LUZP2: variants seen among roughly 807,000 people sequenced by gnomAD.
The protein encoded by LUZP2 is leucine zipper protein 2.
A neutral mutation model predicts 51.6 loss-of-function variants in LUZP2; 52 were observed. The ratio of observed to expected loss-of-function variants is 1.01; its 90% CI spans 0.81 to 1.27. The LOEUF (loss-of-function observed/expected upper bound fraction) is 1.27, where lower values mean the gene tolerates loss of function less well. Among genes scored for constraint, LUZP2 ranks in the 50% most tolerant of loss-of-function variants. The probability of loss-of-function intolerance (pLI) is 0.00; values close to 1 mark genes in which losing one functional copy is unlikely to be tolerated. For synonymous variants in LUZP2, 154 were observed against 137.3 expected (o/e 1.12, Z -0.85); for missense variants, 436 against 395.4 (o/e 1.10, Z -0.87).
intron 10 of LUZP2, among the ~76,000 whole-genome samples, chr11:25,063,105 C>T (rs7110577): frequency 0.9 from 136,016 of 151,424 alleles, 62,166 homozygotes; most frequent in Non-Finnish European, 0.97. Context: ...TAACCAACCA[C>T]GGATCAAAAA....
rs779696265 is a variant in LUZP2, at chr11:24,993,604, T to A, written c.765+10311T>A. Among the ~76,000 whole-genome samples, 5 of 152,186 alleles carry A rather than the reference T, an allele frequency of 3.3e-5. No homozygotes were observed. In the East Asian group the frequency reaches 7.7e-4, roughly 23 times the overall value. On this transcript the variant is annotated intron_variant, in intron 9 of 11. Transcript: ENST00000336930. ...GAATTCACCCTTTACCATTATGCGA[T>A]GCCTTTTTTGTGCCTTTTAATGTTT...
chr11:24,906,787 T>C (rs1177069586), intron 6 of LUZP2, among the ~76,000 whole-genome samples: 3 of 152,088 alleles, frequency 2.0e-5, no homozygotes, highest in Non-Finnish European at 2.9e-5. Flanking sequence ...GTGCGAGAAA[T>C]ATATTCAAGA....
intron 7 of LUZP2, among the ~76,000 whole-genome samples, chr11:24,962,320 A>C (rs571376459): frequency 1.3e-5 from 2 of 152,328 alleles, no homozygotes; most frequent in South Asian, 4.1e-4. Flanking sequence ...CTGCCTTGCT[A>C]GATTGGGGAA....
chr11:24,652,734 C>T (rs1565054517), intron 1 of LUZP2, among the ~76,000 whole-genome samples: 1 of 151,860 alleles, frequency 6.6e-6, no homozygotes, highest in Non-Finnish European at 1.5e-5. Flanking sequence ...GTCAACAATA[C>T]CTTCACATTT....
chr11:25,078,114 A>G (rs77164707), intron 11 of LUZP2, among the ~76,000 whole-genome samples: 3,469 of 152,286 alleles, frequency 0.023, 92 homozygotes, highest in East Asian at 0.094. Context: ...AGAAGTACAT[A>G]TTACTTACAA....
intron 1 of LUZP2, among the ~76,000 whole-genome samples, chr11:24,555,386 T>C (rs1425119962): frequency 6.6e-6 from 1 of 152,164 alleles, no homozygotes; most frequent in Non-Finnish European, 1.5e-5. Context: ...TGTGCTTTTA[T>C]AACAAACTTA....
intron 1 of LUZP2, among the ~76,000 whole-genome samples, chr11:24,555,910 C>T (rs908088673): frequency 1.3e-5 from 2 of 152,084 alleles, no homozygotes; most frequent in Admixed American, 6.6e-5. Flanking sequence ...CACAGGAGGT[C>T]AAGGCTTTAG....
At chr11:24,982,910 G>T (rs1270451894) in intron 8 of LUZP2, among the ~76,000 whole-genome samples, 5 of 151,876 alleles carry the variant, frequency 3.3e-5, no homozygotes, top group African/African-American at 1.2e-4. Context: ...TTGTATTTCA[G>T]TGTTCAAAAT....
intron 9 of LUZP2, among the ~76,000 whole-genome samples, chr11:25,018,037 G>GTTTTTTTTTTTTTTTTTTTTTTTTT (rs1410360304): frequency 7.6e-6 from 1 of 131,092 alleles, no homozygotes; most frequent in Non-Finnish European, 1.6e-5. Context: ...TTTTGTTTCT[G>GTTTTTTTTTTTTTTTTTTTTTTTTT]TTTTTTTTTT....
chr11:24,619,380 A>G (rs540552465), intron 1 of LUZP2, among the ~76,000 whole-genome samples: 34 of 152,234 alleles, frequency 2.2e-4, no homozygotes, highest in Non-Finnish European at 4.3e-4. Context: ...CATTTGTAGC[A>G]TCTGCTGTAC....
chr11:24,806,739 A>C (rs73442861), intron 5 of LUZP2, among the ~76,000 whole-genome samples: 2,537 of 152,110 alleles, frequency 0.017, 75 homozygotes, highest in African/African-American at 0.058. Context: ...AGCTTTTATT[A>C]TTTTTGTTTC....
intron 9 of LUZP2, among the ~76,000 whole-genome samples, chr11:25,025,347 G>C (rs1234172455): frequency 6.6e-6 from 1 of 152,136 alleles, no homozygotes; most frequent in African/African-American, 2.4e-5. Context: ...ACTACCATCA[G>C]AGTGACAAGC....
chr11:24,663,103 A>G (rs1856076468), intron 1 of LUZP2, among the ~76,000 whole-genome samples: 1 of 152,142 alleles, frequency 6.6e-6, no homozygotes, highest in Non-Finnish European at 1.5e-5. Flanking sequence ...ACCTAAGCAT[A>G]TATTTATGAT....
chr11:24,879,560 C>T (rs1852387640), intron 5 of LUZP2, among the ~76,000 whole-genome samples: 1 of 152,164 alleles, frequency 6.6e-6, no homozygotes, highest in South Asian at 2.1e-4. Flanking sequence ...TCCTATTTCT[C>T]CACAGCCTCA....
At chr11:24,887,219 T>TA in intron 5 of LUZP2, among the ~76,000 whole-genome samples, 2 of 134,924 alleles carry the variant, frequency 1.5e-5, no homozygotes, top group African/African-American at 5.5e-5. Flanking sequence ...TTTGTTTTGT[T>TA]TTCAGATGGA....
intron 7 of LUZP2, among the ~76,000 whole-genome samples, chr11:24,916,824 A>G (rs1288853795): frequency 6.6e-6 from 1 of 152,156 alleles, no homozygotes; most frequent in Non-Finnish European, 1.5e-5. Flanking sequence ...TAGCAGCATG[A>G]TTTATGATCC....
chr11:24,970,711 A>G (rs1855715374), intron 7 of LUZP2, among the ~76,000 whole-genome samples: 2 of 152,192 alleles, frequency 1.3e-5, no homozygotes, highest in South Asian at 4.1e-4. Context: ...AGAAGAAAAC[A>G]GAGTTTGTGC....
At chr11:24,546,381 C>T (rs558408145) in intron 1 of LUZP2, among the ~76,000 whole-genome samples, 2 of 152,128 alleles carry the variant, frequency 1.3e-5, no homozygotes, top group South Asian at 4.1e-4. Context: ...GAAATGCTTC[C>T]AGCTCCTCCC....
intron 10 of LUZP2, among the ~76,000 whole-genome samples, chr11:25,055,083 T>C (rs908133011): frequency 2.0e-5 from 3 of 148,158 alleles, no homozygotes; most frequent in Non-Finnish European, 3.0e-5. Context: ...CGATCTCGGC[T>C]CACTGCAACC....
Sources: gnomAD v4.1 joint callset for allele counts (sites outside exome capture counted in the v4.1 genomes callset) on GRCh38, gnomAD v4.1.1 for gene constraint, MANE v1.5 for transcripts, NCBI Gene and HGNC (gene_info 2026-07-23, HGNC 2026-07-21) for gene names.